The following LPA variants were observed in gnomAD, a reference collection of about 807,000 sequenced individuals.
LPA encodes the protein lipoprotein(a), also known as apolipoprotein(a).
LPA carries 199 observed loss-of-function variants against 197.9 expected under a neutral mutation model. The ratio of observed to expected loss-of-function variants is 1.01; its 90% CI spans 0.90 to 1.13. The LOEUF (loss-of-function observed/expected upper bound fraction) is 1.13. Ranked by LOEUF, LPA falls within the 50% of genes most tolerant of loss-of-function variation. LPA has a pLI of 0.00. For missense variants in LPA, 1,853 were observed against 1,785.8 expected (o/e 1.04, Z -0.68); for synonymous variants, 715 against 639.5 (o/e 1.12, Z -1.78).
At chr6:160,598,856 T>C (rs962493814) in intron 20 of LPA, among the ~76,000 whole-genome samples, 1 of 152,166 alleles carries the variant, frequency 6.6e-6, no homozygotes, top group Admixed American at 6.6e-5. Flanking sequence ...AACACAACAT[T>C]CACTTCAGGG....
chr6:160,656,602 C>T (rs1409367532), intron 1 of LPA, among the ~76,000 whole-genome samples: 1 of 152,192 alleles, frequency 6.6e-6, no homozygotes, highest in Non-Finnish European at 1.5e-5. Flanking sequence ...TCTGAAATGT[C>T]TCATTACTTC....
intron 16 of LPA, among the ~76,000 whole-genome samples, chr6:160,610,862 C>G (rs9355815): frequency 0.3 from 44,960 of 152,048 alleles, 7,635 homozygotes; most frequent in East Asian, 0.42. Flanking sequence ...GGTCCTCTAC[C>G]ATCTGTTGTC....
Position 160,609,592 on chromosome 6 carries a change from A to C in LPA, c.2603+1970T>G, listed in dbSNP as rs1004369749. Among the ~76,000 whole-genome samples the C allele has an allele frequency of 8.6e-5, 13 of 152,010 alleles. 1 individual carries two copies. Among genetic ancestry groups the C allele is most frequent in the African/African-American group, 2.9e-4 (12 of 41,338 alleles). On this transcript the variant is annotated intron_variant, in intron 16 of 38. Coordinates refer to ENST00000316300, the MANE Select transcript of LPA (RefSeq NM_005577.4). ...ATCTGTGATTTTTCTAACGTTCTTC[A>C]TAATTGAAAAGTTATCAGCCATCCG...
intron 33 of LPA, among the ~76,000 whole-genome samples, chr6:160,544,788 G>A (rs1274916441): frequency 6.6e-6 from 1 of 152,116 alleles, no homozygotes; most frequent in Non-Finnish European, 1.5e-5. Context: ...CCATGGATTT[G>A]TTACCCCAAT....
intron 1 of LPA, among the ~76,000 whole-genome samples, chr6:160,663,612 T>C (rs1562358490): frequency 6.6e-6 from 1 of 152,224 alleles, no homozygotes. Context: ...ATTATATGCG[T>C]ATATCATCTG....
At chr6:160,578,318 A>T (rs1205012542) in intron 27 of LPA, among the ~76,000 whole-genome samples, 1 of 151,988 alleles carries the variant, frequency 6.6e-6, no homozygotes, top group Non-Finnish European at 1.5e-5. Flanking sequence ...CTTCCTAAAG[A>T]CACCGTGCCC....
At chr6:160,660,019 T>C (rs1463031721) in intron 1 of LPA, among the ~76,000 whole-genome samples, 1 of 152,266 alleles carries the variant, frequency 6.6e-6, no homozygotes, top group African/African-American at 2.4e-5. Context: ...TTTGCAGTGA[T>C]ACTAAAGACA....
At chr6:160,608,286 T>A (rs558275894) in intron 16 of LPA, among the ~76,000 whole-genome samples, 1 of 152,276 alleles carries the variant, frequency 6.6e-6, no homozygotes, top group African/African-American at 2.4e-5. Flanking sequence ...GTTTCCGGTT[T>A]CTTTGTTTGG....
rs888658197 is a variant in LPA at position 160,650,272 on chromosome 6, G to A, written c.209+66C>T. On this transcript the variant is annotated intron_variant, in intron 2 of 38. Coordinates refer to ENST00000316300, the MANE Select transcript of LPA (RefSeq NM_005577.4). ...TTTAATCATAAGAAGTTAGCTTGACGCACACCTTTTCTAAGACAAATTTTA... is the reference window on the plus strand; with the variant it reads ...TTTAATCATAAGAAGTTAGCTTGACACACACCTTTTCTAAGACAAATTTTA... 3.9e-5 allele frequency: 59 copies of A among 1,524,486 alleles called. No individual in the cohort carries two copies. The East Asian group carries it at 4.1e-4, about 11-fold the overall frequency. The allele number at this position is 1,524,486 out of a possible 1,614,324, so 94.4% of individuals were successfully genotyped here.
chr6:160,584,314 CTTCTT>C (rs1778864210), intron 26 of LPA, among the ~76,000 whole-genome samples: 1 of 143,652 alleles, frequency 7.0e-6, no homozygotes, highest in African/African-American at 2.6e-5. Flanking sequence ...TCTTCCTCTT[CTTCTT>C]TTCTTCTTCT....
intron 18 of LPA, among the ~76,000 whole-genome samples, 183 bp downstream of exon 18, chr6:160,604,863 G>A (rs556937973): frequency 1.3e-5 from 2 of 152,142 alleles, no homozygotes; most frequent in Admixed American, 6.6e-5. Context: ...GGAGGAAGGA[G>A]AGCCAGATTA....
rs372459535 is a variant in LPA at position 160,659,117 on chromosome 6, G to T, written c.49+5049C>A. Reference sequence around the variant, plus strand: ...GAGTCCGATGTTCAAGAGCAGGAAGGATCCAGCACAGGAGAAAGATGTAGG... The same window carrying T: ...GAGTCCGATGTTCAAGAGCAGGAAGTATCCAGCACAGGAGAAAGATGTAGG... On this transcript the variant is annotated intron_variant, in intron 1 of 38. Transcript: ENST00000316300. Among the ~76,000 whole-genome samples, 5 of 152,240 alleles carry T rather than the reference G, an allele frequency of 3.3e-5. No homozygotes were observed. In the East Asian group the frequency reaches 5.8e-4, roughly 18 times the overall value.
intron 16 of LPA, among the ~76,000 whole-genome samples, chr6:160,610,995 C>T (rs1348623544): frequency 1.3e-5 from 2 of 152,152 alleles, no homozygotes; most frequent in Non-Finnish European, 1.5e-5. Flanking sequence ...CAGCATCCCT[C>T]TCTGTGCTGA....
chr6:160,542,899 T>TC (rs2114999885), intron 33 of LPA, 91 bp from the exon 34 acceptor site: 1 of 1,560,956 alleles, frequency 6.4e-7, no homozygotes, highest in East Asian at 2.3e-5. Flanking sequence ...CACTAGTTTT[T>TC]CACATCTCAA....
intron 1 of LPA, among the ~76,000 whole-genome samples, chr6:160,653,656 G>A (rs1780045514): frequency 6.6e-6 from 1 of 151,356 alleles, no homozygotes; most frequent in Non-Finnish European, 1.5e-5. Context: ...AAAGAGGACA[G>A]ACTAACTCAT....
chr6:160,578,822 A>G (rs1312532062), intron 26 of LPA, 118 bp from the exon 27 acceptor site: 8 of 1,417,376 alleles, frequency 5.6e-6, no homozygotes, highest in Middle Eastern at 2.4e-4. Context: ...TATTCCCATT[A>G]TACCACAATA....
intron 1 of LPA, among the ~76,000 whole-genome samples, chr6:160,661,121 C>A (rs1780219017): frequency 6.6e-6 from 1 of 152,002 alleles, no homozygotes; most frequent in Non-Finnish European, 1.5e-5. Context: ...AGCCCTCTTC[C>A]AAGCCTGGAG....
intron 26 of LPA, among the ~76,000 whole-genome samples, chr6:160,581,419 C>T (rs1333932528): frequency 6.6e-6 from 1 of 152,106 alleles, no homozygotes; most frequent in African/African-American, 2.4e-5. Flanking sequence ...CCCACCTCAG[C>T]TTCCTGAATA....
intron 28 of LPA, among the ~76,000 whole-genome samples, chr6:160,572,451 G>A (rs1242143732): frequency 2.6e-5 from 4 of 152,068 alleles, no homozygotes; most frequent in African/African-American, 9.7e-5. Flanking sequence ...CCGTACTTTG[G>A]TTTTGTTTTT....
Sources: allele counts gnomAD v4.1 joint callset (sites outside exome capture counted in the v4.1 genomes callset), GRCh38; gene constraint gnomAD v4.1.1; transcripts MANE v1.5; gene names NCBI Gene and HGNC (gene_info 2026-07-23, HGNC 2026-07-21).